Variants in LDLRAD4 observed in about 807,000 individuals in gnomAD.
The protein encoded by LDLRAD4 is low density lipoprotein receptor class A domain containing 4, also known as low-density lipoprotein receptor class A domain-containing protein 4.
LDLRAD4 carries 5 observed loss-of-function variants against 17.0 expected under a neutral mutation model. The observed-to-expected ratio is 0.29, with a 90% CI of 0.15 to 0.62. The LOEUF is 0.62. Among genes scored for constraint, LDLRAD4 ranks in the 20% least tolerant of loss-of-function variants. The probability of loss-of-function intolerance (pLI) is 0.84; values close to 1 mark genes in which losing one functional copy is unlikely to be tolerated. For synonymous variants in LDLRAD4, 168 were observed against 171.8 expected (o/e 0.98, Z 0.17); for missense variants, 340 against 424.7 (o/e 0.80, Z 1.75).
intron 3 of LDLRAD4, among the ~76,000 whole-genome samples, chr18:13,510,532 G>A (rs923905848): frequency 4.0e-5 from 6 of 151,894 alleles, no homozygotes; most frequent in Admixed American, 3.9e-4. Flanking sequence ...GGGGAATGTT[G>A]GGAGGGGGCG....
intron 1 of LDLRAD4, among the ~76,000 whole-genome samples, chr18:13,345,677 C>T (rs899067599): frequency 5.9e-5 from 9 of 152,090 alleles, no homozygotes; most frequent in African/African-American, 1.7e-4. Flanking sequence ...CTCCTTGTAC[C>T]TCTGGTAGAA....
At position 13,325,523 on chromosome 18, in the gene LDLRAD4, C is replaced by G. The variant is rs530675135; in HGVS notation, c.-383+47335C>G. On this transcript the variant is annotated intron_variant, in intron 1 of 5. Transcript: ENST00000359446. Reference sequence around the variant, plus strand: ...CTCCATGACTTGCAGTCCGCCCACCCCCTTTAAAGGGAGTTTTGGGGCCAC... The same window carrying G: ...CTCCATGACTTGCAGTCCGCCCACCGCCTTTAAAGGGAGTTTTGGGGCCAC... 2.6e-5 allele frequency among the ~76,000 whole-genome samples: 4 copies of G among 152,302 alleles called. No homozygotes were observed. In the South Asian group the frequency reaches 8.3e-4, roughly 32 times the overall value.
intron 1 of LDLRAD4, among the ~76,000 whole-genome samples, chr18:13,266,116 A>G (rs2044201137): frequency 6.6e-6 from 1 of 152,204 alleles, no homozygotes; most frequent in Admixed American, 6.5e-5. Flanking sequence ...TTTAGCAAGA[A>G]TGGCGGGCTC....
chr18:13,419,882 G>C (rs1426349196), intron 2 of LDLRAD4: 1 of 152,190 alleles, frequency 6.6e-6, no homozygotes, highest in Non-Finnish European at 1.5e-5. Context: ...ACAGACGTGA[G>C]CCTGGTGGAC....
intron 3 of LDLRAD4, among the ~76,000 whole-genome samples, chr18:13,620,055 G>C (rs960873979): frequency 6.6e-6 from 1 of 152,004 alleles, no homozygotes; most frequent in Non-Finnish European, 1.5e-5. Flanking sequence ...CCCTCGTCCA[G>C]CCTCACCCTC....
rs780418840 is a variant in LDLRAD4, at chr18:13,300,351, G to A, written c.-383+22163G>A. Among the ~76,000 whole-genome samples, 13 of 152,242 alleles carry A rather than the reference G, an allele frequency of 8.5e-5. No homozygotes were observed. Among genetic ancestry groups the A allele is most frequent in the African/African-American group, 3.1e-4 (13 of 41,468 alleles). On this transcript the variant is annotated intron_variant, in intron 1 of 5. Transcript: ENST00000359446. This position sits in a 1 kb window ranked among gnomAD's most constrained non-coding sequence, Gnocchi z 4.2. ...CTCACCAGGCAGAACAGATGGCAGT[G>A]GTGAGGGCTGGAGCCCTCTGCAGGG...
chr18:13,630,294 G>C (rs761059950), intron 4 of LDLRAD4, among the ~76,000 whole-genome samples: 5 of 152,200 alleles, frequency 3.3e-5, no homozygotes, highest in South Asian at 2.1e-4. Flanking sequence ...AGGAAGAAAG[G>C]GGGAGGTGCA....
chr18:13,278,114 C>G (rs770073646), exon 1 of LDLRAD4: 3 of 152,208 alleles, frequency 2.0e-5, no homozygotes, highest in Non-Finnish European at 2.9e-5. Context: ...GCGGTTCAAG[C>G]TCTACGTTCG....
chr18:13,322,641 G>A (rs1040111075), intron 1 of LDLRAD4, among the ~76,000 whole-genome samples: 2 of 124,616 alleles, frequency 1.6e-5, no homozygotes, highest in Admixed American at 8.2e-5. Context: ...TTTTTGAGAC[G>A]GAGTATCGCT....
rs79191274 is a variant in LDLRAD4, at chr18:13,608,776, T to C, written c.182-12341T>C. ...TCAGCCACACAGAAACGCTTATCTG[T>C]AGGACTTCACTGAAGGTCCAGTGCG... is the stretch of plus-strand genomic sequence containing the variant. On this transcript the variant is annotated intron_variant, in intron 3 of 5. Coordinates refer to ENST00000359446, the Ensembl canonical transcript of LDLRAD4. Among the ~76,000 whole-genome samples, 1,140 of 152,334 alleles carry C rather than the reference T, an allele frequency of 7.5e-3. 15 individuals are homozygous for C. The highest frequency in any genetic ancestry group is 0.026 in the African/African-American group (1,095 of 41,576).
chr18:13,321,916 AT>A, intron 1 of LDLRAD4, among the ~76,000 whole-genome samples: 8 of 87,474 alleles, frequency 9.1e-5, no homozygotes, highest in Admixed American at 1.2e-4. Context: ...AAGAAAAAGA[AT>A]AAAAAGAATA....
intron 1 of LDLRAD4, among the ~76,000 whole-genome samples, chr18:13,247,709 T>A (rs1411701138): frequency 1.3e-5 from 2 of 152,100 alleles, no homozygotes; most frequent in Non-Finnish European, 1.5e-5. Flanking sequence ...CCTGGCGGTG[T>A]GCTTGTCTTG....
At chr18:13,229,794 TGGCTTTGTCGCCAAACTGG>T (rs1245091756) in intron 1 of LDLRAD4, among the ~76,000 whole-genome samples, 20 of 152,314 alleles carry the variant, frequency 1.3e-4, no homozygotes, top group African/African-American at 4.8e-4. Context: ...GATAAAGACA[TGGCTTTGTCGCCAAACTGG>T]TGGAAGACAG....
Position 13,588,300 on chromosome 18 carries a change from A to G in LDLRAD4, c.182-32817A>G, listed in dbSNP as rs1432296106. 2.0e-5 allele frequency among the ~76,000 whole-genome samples: 3 copies of G among 152,200 alleles called. No individual in the cohort carries two copies. In the East Asian group the frequency reaches 5.8e-4, roughly 29 times the overall value. On this transcript the variant is annotated intron_variant, in intron 3 of 5. Transcript: ENST00000359446. ...TTTCTTCTCCTTCTCCTTTTCAATA[A>G]TTTCATCTTGAACCTCTCTATTCTG...
chr18:13,571,029 A>C (rs2094682248), intron 3 of LDLRAD4, among the ~76,000 whole-genome samples: 1 of 152,124 alleles, frequency 6.6e-6, no homozygotes, highest in African/African-American at 2.4e-5. Flanking sequence ...TATGTTGCCC[A>C]GGCTGGCCTC....
At chr18:13,616,767 C>G (rs2040121358) in intron 3 of LDLRAD4, among the ~76,000 whole-genome samples, 1 of 152,226 alleles carries the variant, frequency 6.6e-6, no homozygotes, top group Non-Finnish European at 1.5e-5. Flanking sequence ...CTTCATGGCT[C>G]AGGCCTCATC....
chr18:13,573,079 C>CTTTAT (rs1289952019), intron 3 of LDLRAD4, among the ~76,000 whole-genome samples: 5 of 152,154 alleles, frequency 3.3e-5, no homozygotes, highest in Admixed American at 6.6e-5. Context: ...GTTTGTTCTC[C>CTTTAT]TTTATTTTAT....
intron 1 of LDLRAD4, among the ~76,000 whole-genome samples, chr18:13,369,035 A>T (rs1220623131): frequency 1.3e-5 from 2 of 152,212 alleles, no homozygotes; most frequent in Admixed American, 1.3e-4. Flanking sequence ...GAGCCAGCTC[A>T]GTCATTGTCC....
At chr18:13,438,959 A>G (rs144003860) in intron 3 of LDLRAD4, among the ~76,000 whole-genome samples, 77 of 152,344 alleles carry the variant, frequency 5.1e-4, no homozygotes, top group Non-Finnish European at 9.7e-4. Context: ...TTTTTGTGAC[A>G]AGGAAAGAGA....
Sources: allele counts gnomAD v4.1 joint callset (sites outside exome capture counted in the v4.1 genomes callset), GRCh38; gene constraint gnomAD v4.1.1; non-coding constraint Gnocchi (gnomAD v3.1); transcripts MANE v1.5; gene names NCBI Gene and HGNC (gene_info 2026-07-23, HGNC 2026-07-21).